Variants in ANKRD18A observed in about 807,000 individuals in gnomAD.
ANKRD18A encodes ankyrin repeat domain-containing protein 18A.
A neutral mutation model predicts 110.6 loss-of-function variants in ANKRD18A; 72 were observed. The observed-to-expected ratio is 0.65, with a 90% CI of 0.54 to 0.79. The LOEUF (loss-of-function observed/expected upper bound fraction) is 0.79, where lower values mean the gene tolerates loss of function less well. ANKRD18A is among the 30% of genes least tolerant of loss of function. The pLI is 0.00. For synonymous variants in ANKRD18A, 305 were observed against 410.3 expected (o/e 0.74, Z 3.10); for missense variants, 934 against 1,163.3 (o/e 0.80, Z 2.87).
intron 12 of ANKRD18A, among the ~76,000 whole-genome samples, chr9:38,585,255 A>C (rs1261945296): frequency 6.6e-6 from 1 of 152,226 alleles, no homozygotes; most frequent in Admixed American, 6.5e-5. Flanking sequence ...CTTAACCTCC[A>C]TAATGACCTT....
rs1409537504 is a variant in ANKRD18A, at chr9:38,575,665, C to T, written c.2775G>A (p.Lys925=). 1.9e-6 allele frequency: 3 copies of T among 1,551,684 alleles called. No individual in the cohort carries two copies. Among genetic ancestry groups the T allele is most frequent in the Non-Finnish European group, 2.6e-6 (3 of 1,146,890 alleles). ...TCATCCGCTGTTTCTCCGTAAAGAGCTTGGTGCTGATCACTGCTATTTTCT... is the reference window on the plus strand; with the variant it reads ...TCATCCGCTGTTTCTCCGTAAAGAGTTTGGTGCTGATCACTGCTATTTTCT... ...SDKKIAVIST[K]LFTEKQRMKY... The change falls in exon 15 of 16, where the codon AAG becomes AAA. Residue 925 remains lysine, a synonymous_variant. Transcript: ENST00000399703.
At chr9:38,589,085 C>T (rs1159986773) in intron 10 of ANKRD18A, among the ~76,000 whole-genome samples, 8 of 152,200 alleles carry the variant, frequency 5.3e-5, no homozygotes, top group African/African-American at 7.2e-5. Context: ...GTTCCCACTA[C>T]ATTTTTGATC....
At chr9:38,613,847 T>A (rs1825742557) in intron 3 of ANKRD18A, among the ~76,000 whole-genome samples, 1 of 152,340 alleles carries the variant, frequency 6.6e-6, no homozygotes. Flanking sequence ...TGCTGACACA[T>A]AATCACTTGA....
rs1453608054 is a variant in ANKRD18A, at chr9:38,611,216, T to C, written c.601A>G (p.Arg201Gly). Residue 201 changes from arginine to glycine, a missense_variant and splice_region_variant, in exon 4 of 16, where the codon AGA (arginine) becomes GGA (glycine). By Grantham distance (125) the Arg-to-Gly change is moderately radical. This residue lies in a region of ANKRD18A where 630 missense variants were observed against 797.5 expected (regional missense o/e 0.79). Coordinates refer to ENST00000399703, the MANE Select transcript of ANKRD18A (RefSeq NM_147195.4). ...ANIHAVDNFK[R>G]TALILAVQHN... The stretch of plus-strand genomic sequence containing the variant: ...AACAAAAAACAAAAACTATTGCACC[T>C]TTTGAAATTGTCAACGGCATGTATA... 6.5e-7 allele frequency: 1 copy of C among 1,528,856 alleles called. No homozygotes were observed. The highest frequency in any genetic ancestry group is 8.8e-7 in the Non-Finnish European group (1 of 1,140,552). 94.7% of individuals were successfully genotyped at this position (1,528,856 alleles called of 1,614,324 possible). A position where few individuals can be genotyped will look rare whatever the true frequency, so the allele number is the denominator to read the frequency against.
In ANKRD18A at chr9:38,577,857, A is replaced by C. The variant is rs1281539037; in HGVS notation, c.2529+10T>G. 3.8e-6 allele frequency: 6 copies of C among 1,577,310 alleles called. No homozygotes were observed. The highest frequency in any genetic ancestry group is 5.1e-6 in the Non-Finnish European group (6 of 1,167,136). ...ATTACAGATAAACTTACCTGATTTTAAAAACTAACCTGTAAATGGATTTCT... is the reference window on the plus strand; with the variant it reads ...ATTACAGATAAACTTACCTGATTTTCAAAACTAACCTGTAAATGGATTTCT... On this transcript the variant is annotated intron_variant, in intron 13 of 15. Transcript: ENST00000399703.
At chr9:38,617,073 C>G (rs1308582439) in intron 1 of ANKRD18A, among the ~76,000 whole-genome samples, 5 of 152,292 alleles carry the variant, frequency 3.3e-5, no homozygotes, top group Middle Eastern at 3.4e-3. Flanking sequence ...TTTAATTCCT[C>G]AAAGTACCAT....
intron 12 of ANKRD18A, among the ~76,000 whole-genome samples, chr9:38,584,954 T>C (rs1442388814): frequency 1.3e-5 from 2 of 152,172 alleles, no homozygotes; most frequent in East Asian, 3.9e-4. Flanking sequence ...GAGAAGAAGC[T>C]GAAAAAAATC....
intron 5 of ANKRD18A, 77 bp downstream of exon 5, chr9:38,610,196 A>AGTTTGCT (rs1825547149): frequency 7.0e-7 from 1 of 1,424,098 alleles, no homozygotes; most frequent in Admixed American, 3.1e-5. Flanking sequence ...ACTGTCACCT[A>AGTTTGCT]ATGTATAAGA....
intron 12 of ANKRD18A, among the ~76,000 whole-genome samples, chr9:38,578,619 G>A (rs1824015913): frequency 6.6e-6 from 1 of 152,166 alleles, no homozygotes; most frequent in Admixed American, 6.5e-5. Context: ...GCTCATGCTT[G>A]TAATCCCAGC....
chr9:38,619,036 T>A (rs1347149959), intron 1 of ANKRD18A, among the ~76,000 whole-genome samples: 1 of 151,168 alleles, frequency 6.6e-6, no homozygotes, highest in African/African-American at 2.4e-5. Context: ...AGGAAATATT[T>A]TTCGAGTGTG....
intron 3 of ANKRD18A, among the ~76,000 whole-genome samples, chr9:38,614,940 C>G (rs1227081405): frequency 2.6e-5 from 4 of 152,182 alleles, no homozygotes; most frequent in Non-Finnish European, 5.9e-5. Context: ...CACTGCCAAT[C>G]TGGTTTCCTC....
intron 15 of ANKRD18A, chr9:38,572,409 C>T (rs549927551): frequency 5.8e-5 from 10 of 171,666 alleles, no homozygotes; most frequent in African/African-American, 1.9e-4. Context: ...GTCATAGATA[C>T]CATGACAGGT....
chr9:38,578,824 C>T (rs113959800), intron 12 of ANKRD18A, among the ~76,000 whole-genome samples: 2 of 152,092 alleles, frequency 1.3e-5, no homozygotes, highest in Non-Finnish European at 2.9e-5. Flanking sequence ...TCAGGGCTGC[C>T]GTGAATTATG....
chr9:38,619,555 T>G (rs962396912), intron 1 of ANKRD18A, among the ~76,000 whole-genome samples: 1 of 152,162 alleles, frequency 6.6e-6, no homozygotes, highest in Non-Finnish European at 1.5e-5. Context: ...AGATAGCAAG[T>G]GTCATGCAAA....
chr9:38,609,913 C>G (rs568138173), intron 5 of ANKRD18A, among the ~76,000 whole-genome samples: 1 of 126,798 alleles, frequency 7.9e-6, no homozygotes, highest in East Asian at 2.3e-4. Context: ...AGCTCAGGAA[C>G]ATGAGCAACA....
chr9:38,571,989 C>T lies in ANKRD18A; in HGVS notation c.*56G>A. The T allele has an allele frequency of 1.9e-6, 3 of 1,555,048 alleles. No homozygotes were observed. Among genetic ancestry groups the T allele is most frequent in the Non-Finnish European group, 2.6e-6 (3 of 1,157,426 alleles). ...CTTAAGATTTTATGGTTAATCTCTT[C>T]ATTAGATGTGGCTTACCAGTGGATT... On this transcript the variant is annotated 3_prime_UTR_variant, in exon 16 of 16. Transcript: ENST00000399703.
In ANKRD18A at chr9:38,586,163, T is replaced by C. The variant is rs1335275071; in HGVS notation, c.2247+20A>G. ...ATGTAATCTAGACCTTAAGATAAAA[T>C]AATAATTTTTTAAAATTACCTTCTG... On this transcript the variant is annotated intron_variant, in intron 12 of 15. Coordinates refer to ENST00000399703, the MANE Select transcript of ANKRD18A (RefSeq NM_147195.4). The C allele has an allele frequency of 6.3e-7, 1 of 1,579,236 alleles. No homozygotes were observed. Among genetic ancestry groups the C allele is most frequent in the East Asian group, 2.3e-5 (1 of 42,914 alleles).
chr9:38,566,886 G>A (rs1823496715), downstream of ANKRD18A: 1 of 152,178 alleles, frequency 6.6e-6, no homozygotes, highest in Non-Finnish European at 1.5e-5. Context: ...GGATGGTGCT[G>A]AACCATTCAT....
At chr9:38,617,598 A>G (rs1042447068) in intron 1 of ANKRD18A, among the ~76,000 whole-genome samples, 1 of 152,240 alleles carries the variant, frequency 6.6e-6, no homozygotes, top group Non-Finnish European at 1.5e-5. Context: ...TAAGACTGAT[A>G]AATTTTCAAA....
Sources: allele counts gnomAD v4.1 joint callset (sites outside exome capture counted in the v4.1 genomes callset), GRCh38; gene constraint gnomAD v4.1.1; regional missense constraint gnomAD v4.1.1; transcripts MANE v1.5; gene names NCBI Gene and HGNC (gene_info 2026-07-23, HGNC 2026-07-21).